The following DAAM1 variants were observed in gnomAD, a reference collection of about 807,000 sequenced individuals.
The protein encoded by DAAM1 is disheveled-associated activator of morphogenesis 1.
In DAAM1, 52 loss-of-function variants were observed where a neutral mutation model predicts 130.0. That is an observed-to-expected ratio of 0.40 (90% CI 0.32 to 0.50). The LOEUF (loss-of-function observed/expected upper bound fraction) is 0.50. DAAM1 is among the 20% of genes least tolerant of loss of function. The pLI, the probability that DAAM1 is intolerant of heterozygous loss-of-function variation, is 0.61. For missense variants in DAAM1, 1,134 were observed against 1,303.8 expected, an observed-to-expected ratio of 0.87 and a Z score of 2.01; for synonymous variants, 452 against 444.5, an observed-to-expected ratio of 1.02 and a Z score of -0.21.
intron 2 of DAAM1, among the ~76,000 whole-genome samples, chr14:59,267,424 G>A (rs1392877289): frequency 6.6e-6 from 1 of 152,024 alleles, no homozygotes; most frequent in Non-Finnish European, 1.5e-5. Flanking sequence ...GCTGTAGGCA[G>A]GGGAACCAGA....
chr14:59,304,058 G>A (rs1884282177), intron 3 of DAAM1, among the ~76,000 whole-genome samples: 1 of 152,172 alleles, frequency 6.6e-6, no homozygotes, highest in African/African-American at 2.4e-5. Context: ...ATTCCATGCT[G>A]TCTTTCCTTT....
rs908866806 is a variant in DAAM1, at chr14:59,324,605, A to G, written c.989+151A>G. On this transcript the variant is annotated intron_variant, in intron 8 of 24. Coordinates refer to ENST00000360909, the MANE Select transcript of DAAM1 (RefSeq NM_001270520.2). ...TGTTAGTTCAGCTAATGATGTTTTC[A>G]TAGTAAGACTTTGTTGATGAGGGAA... is the stretch of plus-strand genomic sequence containing the variant. The G allele has an allele frequency of 9.8e-5, 41 of 416,462 alleles. 1 individual carries two copies. The highest frequency in any genetic ancestry group is 1.5e-4 in the Non-Finnish European group (36 of 243,822). The allele number at this position is 416,462 out of a possible 1,614,324, so 25.8% of individuals were successfully genotyped here.
intron 3 of DAAM1, among the ~76,000 whole-genome samples, chr14:59,312,061 A>G (rs1884619610): frequency 6.6e-6 from 1 of 152,098 alleles, no homozygotes. Context: ...ATAGTGAAAA[A>G]TTTTCGTGAT....
Position 59,315,656 on chromosome 14 carries a change from C to A in DAAM1, c.345+305C>A, listed in dbSNP as rs981771902. 3.9e-5 allele frequency among the ~76,000 whole-genome samples: 6 copies of A among 152,256 alleles called. No individual in the cohort carries two copies. In the South Asian group the frequency reaches 1.2e-3, roughly 32 times the overall value. On this transcript the variant is annotated intron_variant, in intron 4 of 24. Transcript: ENST00000360909. Reference sequence around the variant, plus strand: ...AACTTTAACTTGCAATTGCTCTTACCAGTCACTCGGAGCTTGGTTATGGCA... The same window carrying A: ...AACTTTAACTTGCAATTGCTCTTACAAGTCACTCGGAGCTTGGTTATGGCA...
chr14:59,314,114 A>T (rs1003522079), intron 3 of DAAM1, among the ~76,000 whole-genome samples: 5 of 152,228 alleles, frequency 3.3e-5, no homozygotes, highest in African/African-American at 1.2e-4. Flanking sequence ...TTCGAGGCAC[A>T]GTATAGGACT....
chr14:59,234,118 T>G (rs1889210205), intron 1 of DAAM1, among the ~76,000 whole-genome samples: 1 of 152,212 alleles, frequency 6.6e-6, no homozygotes, highest in Non-Finnish European at 1.5e-5. Flanking sequence ...GTGTGGGCCC[T>G]TTTTTGGTTC....
chr14:59,219,256 C>T (rs752054686), intron 1 of DAAM1, among the ~76,000 whole-genome samples: 32 of 152,198 alleles, frequency 2.1e-4, no homozygotes, highest in Non-Finnish European at 4.0e-4. Flanking sequence ...ACCACCCCAT[C>T]ACCAGCCTAT....
At chr14:59,352,485 A>T in intron 17 of DAAM1, 41 bp from the exon 18 acceptor site, 1 of 1,489,688 alleles carries the variant, frequency 6.7e-7, no homozygotes, top group Non-Finnish European at 9.3e-7. Context: ...CATGGATTTA[A>T]GTGATAAACC....
At chr14:59,349,277 A>G (rs1006190559) in intron 17 of DAAM1, among the ~76,000 whole-genome samples, 6 of 152,254 alleles carry the variant, frequency 3.9e-5, no homozygotes, top group Non-Finnish European at 8.8e-5. Flanking sequence ...AAATTCCACA[A>G]GATCTGTTTA....
chr14:59,313,167 G>A (rs1884656966), intron 3 of DAAM1, among the ~76,000 whole-genome samples: 1 of 152,210 alleles, frequency 6.6e-6, no homozygotes, highest in Admixed American at 6.5e-5. Context: ...CAAAGGAGGA[G>A]GAGAGAGAGT....
chr14:59,331,280 G>C lies in DAAM1; in HGVS notation c.1632G>C (p.Val544=), dbSNP rs758903992. The part of the protein sequence containing the change: ...GAPGGPFPSS[V]PGSLLPPPPP... ...CAGGAGGGCCCTTTCCTTCCTCTGT[G>C]CCTGGATCTCTCCTTCCTCCCCCAC... The change falls in exon 14 of 25, where the codon GTG becomes GTC. Residue 544 remains valine (V), a synonymous_variant. Transcript: ENST00000360909. The C allele has an allele frequency of 6.2e-7, 1 of 1,612,760 alleles. No homozygotes were observed. The highest frequency in any genetic ancestry group is 8.5e-7 in the Non-Finnish European group (1 of 1,179,974).
chr14:59,366,788 C>T (rs1273947987), intron 23 of DAAM1, among the ~76,000 whole-genome samples: 3 of 152,118 alleles, frequency 2.0e-5, no homozygotes, highest in Non-Finnish European at 4.4e-5. Flanking sequence ...GCGGCACATG[C>T]CTATAGTCCC....
Position 59,326,580 on chromosome 14 carries a change from G to C in DAAM1, c.1245G>C (p.Gln415His), listed in dbSNP as rs1372898831. 4 of 1,613,894 alleles carry C rather than the reference G, an allele frequency of 2.5e-6. No homozygotes were observed. Among genetic ancestry groups the C allele is most frequent in the Admixed American group, 1.7e-5 (1 of 60,006 alleles). The change falls in exon 11 of 25, where the codon CAG becomes CAC. Residue 415 changes from glutamine (Q) to histidine (H), a missense_variant. Gln to His is a conservative substitution (Grantham distance 24, BLOSUM62 0). Transcript: ENST00000360909. ...LDRIIQQIVI[Q>H]NDKGQDPDST... Reference sequence around the variant, plus strand: ...GAATTATACAGCAGATAGTTATCCAGAATGACAAAGGACAGGACCCTGACT... The same window carrying C: ...GAATTATACAGCAGATAGTTATCCACAATGACAAAGGACAGGACCCTGACT...
intron 1 of DAAM1, among the ~76,000 whole-genome samples, chr14:59,204,910 T>C (rs531992914): frequency 2.6e-5 from 4 of 152,232 alleles, no homozygotes; most frequent in Admixed American, 6.5e-5. Flanking sequence ...TCAGAATGAA[T>C]GGCAACTCAC....
rs559499876 is a variant in DAAM1 at position 59,268,914 on chromosome 14, T to G, written c.183+5254T>G. ...AGGTTTTTAAAAGTCTTAAATTATC[T>G]CAGCCAACCTATCCGAAGAGTCCTA... On this transcript the variant is annotated intron_variant, in intron 2 of 24. Coordinates refer to ENST00000360909, the MANE Select transcript of DAAM1 (RefSeq NM_001270520.2). 1.4e-3 allele frequency among the ~76,000 whole-genome samples: 210 copies of G among 152,334 alleles called. 1 individual carries two copies. Among genetic ancestry groups the G allele is most frequent in the African/African-American group, 4.9e-3 (204 of 41,574 alleles).
chr14:59,272,629 A>ACG (rs1882768327), intron 2 of DAAM1, among the ~76,000 whole-genome samples: 1 of 136,772 alleles, frequency 7.3e-6, no homozygotes, highest in Non-Finnish European at 1.6e-5. Flanking sequence ...ACACACACAC[A>ACG]CATACACACA....
intron 3 of DAAM1, 79 bp downstream of exon 3, chr14:59,291,385 T>C (rs559164378): frequency 1.1e-5 from 13 of 1,142,134 alleles, no homozygotes; most frequent in African/African-American, 1.6e-5. Flanking sequence ...CCACTAGAAT[T>C]GGACAGCTCT....
chr14:59,314,737 T>C (rs1362542297), intron 3 of DAAM1, among the ~76,000 whole-genome samples: 1 of 152,248 alleles, frequency 6.6e-6, no homozygotes, highest in Non-Finnish European at 1.5e-5. Context: ...TTCATTTTAC[T>C]ACCTTCCATT....
chr14:59,222,850 A>G (rs892952591), intron 1 of DAAM1, among the ~76,000 whole-genome samples: 3 of 152,224 alleles, frequency 2.0e-5, no homozygotes, highest in Non-Finnish European at 2.9e-5. Flanking sequence ...CATTGGCTAC[A>G]GCCCATGAAT....
Sources: allele counts gnomAD v4.1 joint callset (sites outside exome capture counted in the v4.1 genomes callset), GRCh38; gene constraint gnomAD v4.1.1; transcripts MANE v1.5; gene names NCBI Gene and HGNC (gene_info 2026-07-23, HGNC 2026-07-21).